The following BUB1B variants were observed in gnomAD, a reference collection of about 807,000 sequenced individuals.
BUB1B encodes the protein mitotic checkpoint serine/threonine-protein kinase BUB1 beta.
In BUB1B, 86 loss-of-function variants were observed where a neutral mutation model predicts 137.7. That is an observed-to-expected ratio of 0.62 (90% CI 0.52 to 0.75). The LOEUF is 0.75. Among genes scored for constraint, BUB1B ranks in the 30% least tolerant of loss-of-function variants. The pLI, the probability that BUB1B is intolerant of heterozygous loss-of-function variation, is 0.00. For synonymous variants in BUB1B, 420 were observed against 417.9 expected (o/e 1.00, Z -0.06); for missense variants, 1,130 against 1,236.9 (o/e 0.91, Z 1.30).
chr15:40,167,681 C>T (rs1209740568), intron 2 of BUB1B, among the ~76,000 whole-genome samples: 3 of 151,944 alleles, frequency 2.0e-5, no homozygotes, highest in African/African-American at 7.2e-5. Context: ...TATGATTTTT[C>T]TTAAATTTTT....
chr15:40,201,599 A>G (rs914061073), intron 12 of BUB1B, among the ~76,000 whole-genome samples: 2 of 152,206 alleles, frequency 1.3e-5, no homozygotes, highest in African/African-American at 2.4e-5. Context: ...AGGCATTTGA[A>G]CAGTCACAGT....
intron 1 of BUB1B, among the ~76,000 whole-genome samples, chr15:40,161,727 TCATAGAGATCTAAATTATGCCAATAA>T (rs1161259079): frequency 1.3e-5 from 2 of 152,174 alleles, no homozygotes; most frequent in Admixed American, 6.5e-5. Flanking sequence ...TTAGCCAATA[TCATAGAGATCTAAATTATGCCAATAA>T]CATAGAGATC....
chr15:40,209,621 C>T lies in BUB1B; in HGVS notation c.2144-14C>T, dbSNP rs753821747. The T allele has an allele frequency of 1.2e-6, 2 of 1,613,790 alleles. No homozygotes were observed. Among genetic ancestry groups the T allele is most frequent in the South Asian group, 2.2e-5 (2 of 91,050 alleles). On this transcript the variant is annotated splice_polypyrimidine_tract_variant and intron_variant, in intron 16 of 22. Coordinates refer to ENST00000287598, the MANE Select transcript of BUB1B (RefSeq NM_001211.6). ...TTTTGGTGATATATTTTCACCTTTC[C>T]CTCCCACTGGCAGAAAACCCTACTC...
intron 9 of BUB1B, among the ~76,000 whole-genome samples, chr15:40,197,260 A>G (rs2037510155): frequency 6.6e-6 from 1 of 152,182 alleles, no homozygotes; most frequent in African/African-American, 2.4e-5. Flanking sequence ...AGTGATTTAG[A>G]TTATAGATAT....
chr15:40,170,194 G>C (rs2037145866), intron 3 of BUB1B, 73 bp downstream of exon 3: 2 of 1,404,272 alleles, frequency 1.4e-6, no homozygotes. Context: ...TTCTCAAATT[G>C]GGGTATATGG....
chr15:40,174,835 G>A (rs2037206600), intron 4 of BUB1B, among the ~76,000 whole-genome samples: 1 of 152,158 alleles, frequency 6.6e-6, no homozygotes, highest in South Asian at 2.1e-4. Context: ...GTGGTGGCGG[G>A]CGCCTATAGT....
At chr15:40,210,281 T>A (rs2037694917) in intron 18 of BUB1B, 71 bp downstream of exon 18, 1 of 1,136,838 alleles carries the variant, frequency 8.8e-7, no homozygotes. Context: ...TGTCCTCATG[T>A]TACCATCAAA....
At chr15:40,170,039 A>G (rs753071863) in intron 2 of BUB1B, 23 bp from the exon 3 acceptor site, 1 of 1,599,446 alleles carries the variant, frequency 6.3e-7, no homozygotes, top group South Asian at 1.1e-5. Context: ...TGCATATGCT[A>G]ACTTTTTCTG....
intron 16 of BUB1B, among the ~76,000 whole-genome samples, 195 bp downstream of exon 16, chr15:40,208,965 G>A (rs1237792518): frequency 6.6e-6 from 1 of 152,038 alleles, no homozygotes; most frequent in Non-Finnish European, 1.5e-5. Context: ...CCACAACTGT[G>A]CCACCACCAA....
intron 22 of BUB1B, among the ~76,000 whole-genome samples, chr15:40,218,990 C>T (rs781512487): frequency 1.1e-4 from 16 of 152,248 alleles, no homozygotes; most frequent in South Asian, 4.1e-4. Flanking sequence ...CGGCTCACTG[C>T]AACCTCTGCC....
chr15:40,162,986 C>A (rs1193256435), intron 1 of BUB1B, among the ~76,000 whole-genome samples: 1 of 152,116 alleles, frequency 6.6e-6, no homozygotes, highest in Non-Finnish European at 1.5e-5. Flanking sequence ...AAAATCAATT[C>A]ATTGCGGGGC....
At chr15:40,182,660 G>A (rs1024497758) in intron 5 of BUB1B, among the ~76,000 whole-genome samples, 18 of 152,176 alleles carry the variant, frequency 1.2e-4, no homozygotes, top group African/African-American at 4.3e-4. Context: ...GGGAACCTAA[G>A]ATGTATGCCA....
At chr15:40,161,533 T>C (rs1474954220) in intron 1 of BUB1B, among the ~76,000 whole-genome samples, 1 of 152,244 alleles carries the variant, frequency 6.6e-6, no homozygotes, top group African/African-American at 2.4e-5. Context: ...TGTCTGTTTG[T>C]AACTCAGCTC....
intron 10 of BUB1B, 91 bp downstream of exon 10, chr15:40,199,818 C>A: frequency 9.8e-7 from 1 of 1,017,796 alleles, no homozygotes; most frequent in Admixed American, 2.0e-5. Context: ...CCTCCCAACC[C>A]CCATTTAGAG....
rs771073765 is a variant in BUB1B at position 40,185,559 on chromosome 15, C to T, written c.975C>T (p.Gly325=). ...TTCTTCTTCATCTCCAGCCTCGTGG[C>T]AATACAGCTTCACTGATAGCTGTAC... ...TGRSLEHRPR[G]NTASLIAVPA... Residue 325 remains glycine, a synonymous_variant, in exon 8 of 23, where the codon GGC becomes GGT. Transcript: ENST00000287598. The T allele has an allele frequency of 3.1e-6, 5 of 1,614,222 alleles. No individual in the cohort carries two copies. In the South Asian group the frequency reaches 5.5e-5, roughly 18 times the overall value.
intron 4 of BUB1B, among the ~76,000 whole-genome samples, chr15:40,173,295 T>TAAAAAAAAAAAAAA (rs61078619): frequency 2.6e-4 from 22 of 85,770 alleles, no homozygotes; most frequent in South Asian, 4.5e-4. Context: ...GAAAAAAAGA[T>TAAAAAAAAAAAAAA]AAAAAAAAAA....
chr15:40,183,661 GTC>G, intron 5 of BUB1B, 51 bp from the exon 6 acceptor site: 1 of 1,569,806 alleles, frequency 6.4e-7, no homozygotes, highest in Non-Finnish European at 8.8e-7. Flanking sequence ...GAAATTTTGA[GTC>G]TGGTAAAATA....
In BUB1B at chr15:40,165,157, A is replaced by C; in HGVS notation, c.140A>C (p.Gln47Pro). ...TCCACGCTTCAGGGAGCACTGGCAC[A>C]AGAATCTGCCTGTAACAATACTCTT... ...IMSTLQGALA[Q>P]ESACNNTLQQ... is the part of the protein sequence containing the mutation. Residue 47 changes from glutamine to proline, a missense_variant, in exon 2 of 23, where the codon CAA (glutamine) becomes CCA (proline). Transcript: ENST00000287598. 1 of 1,614,234 alleles carries C rather than the reference A, an allele frequency of 6.2e-7. No homozygotes were observed. Among genetic ancestry groups the C allele is most frequent in the Non-Finnish European group, 8.5e-7 (1 of 1,180,042 alleles).
intron 3 of BUB1B, 110 bp from the exon 4 acceptor site, chr15:40,170,427 C>G: frequency 1.5e-6 from 2 of 1,321,082 alleles, no homozygotes; most frequent in Non-Finnish European, 2.1e-6. Context: ...CATTGAGGAC[C>G]TCAAAAGAAA....
Sources: gnomAD v4.1 joint callset for allele counts (sites outside exome capture counted in the v4.1 genomes callset) on GRCh38, gnomAD v4.1.1 for gene constraint, MANE v1.5 for transcripts, NCBI Gene and HGNC (gene_info 2026-07-23, HGNC 2026-07-21) for gene names.